The following DAB1 variants were observed in gnomAD, a reference collection of about 807,000 sequenced individuals.
DAB1 encodes disabled homolog 1.
DAB1 carries 15 observed loss-of-function variants against 64.6 expected under a neutral mutation model. That is an observed-to-expected ratio of 0.23 (90% CI 0.16 to 0.36). The LOEUF is 0.36. Among genes scored for constraint, DAB1 ranks in the 10% least tolerant of loss-of-function variants. DAB1 has a pLI of 1.00. For synonymous variants in DAB1, 235 were observed against 251.9 expected (o/e 0.93, Z 0.64); for missense variants, 596 against 706.7 (o/e 0.84, Z 1.78).
At chr1:58,436,417 A>G (rs1175067375) in intron 3 of DAB1, among the ~76,000 whole-genome samples, 1 of 152,214 alleles carries the variant, frequency 6.6e-6, no homozygotes, top group Non-Finnish European at 1.5e-5. Context: ...CCAACAGAGC[A>G]GCCAACTTCA....
intron 5 of DAB1, among the ~76,000 whole-genome samples, chr1:57,923,389 A>G (rs116317661): frequency 6.6e-6 from 1 of 152,290 alleles, no homozygotes; most frequent in Non-Finnish European, 1.5e-5. Flanking sequence ...AATTGATTGC[A>G]TCAGTATGGC....
chr1:57,447,874 C>T (rs772103730), intron 7 of DAB1, among the ~76,000 whole-genome samples: 1 of 152,128 alleles, frequency 6.6e-6, no homozygotes, highest in South Asian at 2.1e-4. Flanking sequence ...ATTTGGTCTA[C>T]ATTTTAGGAT....
At chr1:57,507,581 G>C (rs144977914) in intron 7 of DAB1, among the ~76,000 whole-genome samples, 127 of 152,226 alleles carry the variant, frequency 8.3e-4, no homozygotes, top group African/African-American at 3.0e-3. Flanking sequence ...AGTCGAATCT[G>C]ATTGCTCCCC....
intron 2 of DAB1, among the ~76,000 whole-genome samples, chr1:57,225,422 G>A (rs1557975847): frequency 6.6e-6 from 1 of 152,092 alleles, no homozygotes; most frequent in Admixed American, 6.6e-5. Flanking sequence ...GTCAGAGAAC[G>A]GTGCTGAAGA....
chr1:57,093,307 G>A (rs1425597327), intron 4 of DAB1, among the ~76,000 whole-genome samples: 1 of 152,158 alleles, frequency 6.6e-6, no homozygotes, highest in Admixed American at 6.5e-5. Context: ...ATACTCTGTT[G>A]GCTCTGAGCC....
chr1:57,351,454 C>A (rs888057934), intron 1 of DAB1, among the ~76,000 whole-genome samples: 4 of 152,088 alleles, frequency 2.6e-5, no homozygotes, highest in Non-Finnish European at 5.9e-5. Flanking sequence ...GGGAGTTGAA[C>A]ATTCAAGTCA....
chr1:58,449,396 G>A (rs1209791229), intron 3 of DAB1, among the ~76,000 whole-genome samples: 4 of 152,146 alleles, frequency 2.6e-5, no homozygotes, highest in Non-Finnish European at 5.9e-5. Flanking sequence ...CTGACAAACT[G>A]GCCAGGGTCC....
At chr1:57,693,570 C>T (rs1646789823) in intron 6 of DAB1, among the ~76,000 whole-genome samples, 2 of 152,174 alleles carry the variant, frequency 1.3e-5, no homozygotes, top group Admixed American at 6.5e-5. Context: ...AGCTGGCTAA[C>T]CAAGACAGCA....
At chr1:58,036,967 G>A (rs1647053530) in intron 5 of DAB1, among the ~76,000 whole-genome samples, 1 of 152,116 alleles carries the variant, frequency 6.6e-6, no homozygotes, top group South Asian at 2.1e-4. Context: ...TCTAGTCAAT[G>A]GAATATGATT....
chr1:57,484,884 A>T (rs6679102), intron 7 of DAB1, among the ~76,000 whole-genome samples: 3,699 of 152,266 alleles, frequency 0.024, 160 homozygotes, highest in African/African-American at 0.084. Context: ...CTGGTGAACA[A>T]GTTGCCTCAA....
At chr1:57,525,449 A>C (rs1357777458) in intron 7 of DAB1, among the ~76,000 whole-genome samples, 1 of 152,042 alleles carries the variant, frequency 6.6e-6, no homozygotes, top group African/African-American at 2.4e-5. Context: ...AATTGAAAAA[A>C]AGGATGCAAA....
intron 4 of DAB1, among the ~76,000 whole-genome samples, chr1:57,136,226 G>C (rs1282325918): frequency 1.3e-5 from 2 of 152,200 alleles, no homozygotes; most frequent in Non-Finnish European, 2.9e-5. Flanking sequence ...TGTCATTAAA[G>C]TTGCCAACGC....
chr1:57,355,791 A>C (rs1315636653), intron 1 of DAB1, among the ~76,000 whole-genome samples: 1 of 151,902 alleles, frequency 6.6e-6, no homozygotes, highest in Non-Finnish European at 1.5e-5. Flanking sequence ...GTACATAAGA[A>C]TTTTATGAAG....
intron 4 of DAB1, among the ~76,000 whole-genome samples, chr1:57,130,406 T>G (rs1292913010): frequency 6.6e-6 from 1 of 152,130 alleles, no homozygotes. Flanking sequence ...ATCCCACTAC[T>G]GCGTACATAT....
intron 1 of DAB1, among the ~76,000 whole-genome samples, chr1:57,324,336 A>C (rs1675981686): frequency 6.6e-6 from 1 of 152,210 alleles, no homozygotes; most frequent in South Asian, 2.1e-4. Context: ...TAACTTAAGA[A>C]AGACCTGCTA....
In DAB1 at chr1:57,966,077, A is replaced by C. The variant is rs115692108; in HGVS notation, n.388-81915T>G. Among the ~76,000 whole-genome samples the C allele has an allele frequency of 8.7e-3, 1,326 of 152,326 alleles. 16 individuals are homozygous for C. Among genetic ancestry groups the C allele is most frequent in the African/African-American group, 0.03 (1,257 of 41,570 alleles). On this transcript the variant is annotated intron_variant and non_coding_transcript_variant, in intron 5 of 20. Transcript: ENST00000485760. ...TTCAATGCACAAATGGATTAGTATT[A>C]TAATAGCAGTGCATACAAAATGCAG...
chr1:58,399,552 G>A (rs1472847225), intron 3 of DAB1, among the ~76,000 whole-genome samples: 1 of 152,174 alleles, frequency 6.6e-6, no homozygotes, highest in East Asian at 1.9e-4. Flanking sequence ...GCTGGTAAAT[G>A]GTGAATCTGA....
At chr1:57,850,999 G>A (rs1000297129) in intron 1 of DAB1, among the ~76,000 whole-genome samples, 9 of 152,100 alleles carry the variant, frequency 5.9e-5, no homozygotes, top group South Asian at 2.1e-4. Context: ...GCTCTCTCAA[G>A]ACCCAATCAA....
chr1:58,530,064 G>A lies in DAB1; in HGVS notation n.33-2729C>T, dbSNP rs531795910. On this transcript the variant is annotated intron_variant and non_coding_transcript_variant, in intron 1 of 20. Coordinates refer to the DAB1 transcript ENST00000485760. The stretch of plus-strand genomic sequence containing the variant: ...CCAGGCTAATTTTTTTGTATTTTTA[G>A]TAGAGACAGGGTTTCACCACGTTAG... Among the ~76,000 whole-genome samples the A allele has an allele frequency of 1.2e-3, 185 of 152,170 alleles. 1 individual carries two copies. Among genetic ancestry groups the A allele is most frequent in the African/African-American group, 4.4e-3 (181 of 41,514 alleles).
Sources: allele counts gnomAD v4.1 joint callset (sites outside exome capture counted in the v4.1 genomes callset), GRCh38; gene constraint gnomAD v4.1.1; transcripts MANE v1.5; gene names NCBI Gene and HGNC (gene_info 2026-07-23, HGNC 2026-07-21).